Variants in CCSER1 observed in about 807,000 individuals in gnomAD.
CCSER1 encodes the protein serine-rich coiled-coil domain-containing protein 1.
CCSER1 carries 41 observed loss-of-function variants against 82.0 expected under a neutral mutation model. That is an observed-to-expected ratio of 0.50 (90% CI 0.39 to 0.65). The LOEUF is 0.65. Among genes scored for constraint, CCSER1 ranks in the 30% least tolerant of loss-of-function variants. The probability of loss-of-function intolerance (pLI) is 0.00; values close to 1 mark genes in which losing one functional copy is unlikely to be tolerated. For missense variants in CCSER1, 1,119 were observed against 1,064.2 expected (o/e 1.05, Z -0.72); for synonymous variants, 414 against 383.9 (o/e 1.08, Z -0.92).
intron 10 of CCSER1, among the ~76,000 whole-genome samples, chr4:91,234,325 A>T (rs1305916754): frequency 6.6e-6 from 1 of 152,054 alleles, no homozygotes; most frequent in Non-Finnish European, 1.5e-5. Flanking sequence ...AATTCTTTGA[A>T]GATACTCATC....
intron 9 of CCSER1, among the ~76,000 whole-genome samples, chr4:90,925,418 A>C (rs1208462012): frequency 6.6e-6 from 1 of 152,214 alleles, no homozygotes; most frequent in African/African-American, 2.4e-5. Context: ...AATGTTTGGG[A>C]GACAGAATTC....
chr4:90,626,794 T>C (rs1342656456), intron 5 of CCSER1, among the ~76,000 whole-genome samples: 1 of 152,192 alleles, frequency 6.6e-6, no homozygotes, highest in Non-Finnish European at 1.5e-5. Flanking sequence ...AATTAAATGA[T>C]TTAACACCTA....
intron 9 of CCSER1, among the ~76,000 whole-genome samples, chr4:91,021,359 A>T (rs1739947214): frequency 6.6e-6 from 1 of 152,182 alleles, no homozygotes; most frequent in African/African-American, 2.4e-5. Flanking sequence ...AAAAATTAGA[A>T]ATGACAGACT....
At chr4:91,098,637 G>T (rs1002089064) in intron 10 of CCSER1, among the ~76,000 whole-genome samples, 2 of 151,934 alleles carry the variant, frequency 1.3e-5, no homozygotes, top group African/African-American at 4.8e-5. Context: ...CGCCTCCCGG[G>T]TTCATGCCAT....
intron 9 of CCSER1, among the ~76,000 whole-genome samples, chr4:90,935,218 G>C (rs1199491991): frequency 3.9e-5 from 6 of 152,016 alleles, no homozygotes; most frequent in Admixed American, 3.3e-4. Context: ...ATGGGAGAAT[G>C]GGGGGTGTTT....
At chr4:90,901,759 T>G (rs775427809) in intron 8 of CCSER1, among the ~76,000 whole-genome samples, 5 of 152,042 alleles carry the variant, frequency 3.3e-5, no homozygotes, top group African/African-American at 4.8e-5. Flanking sequence ...CTCATGACTA[T>G]GTGCTTTGGT....
chr4:90,575,635 A>G (rs1169997419), intron 5 of CCSER1, among the ~76,000 whole-genome samples: 3 of 152,222 alleles, frequency 2.0e-5, no homozygotes, highest in Non-Finnish European at 4.4e-5. Flanking sequence ...ACAAGCCTCT[A>G]TGTATCATCA....
At position 90,990,025 on chromosome 4, in the gene CCSER1, G is replaced by A. The variant is rs182294963; in HGVS notation, c.2172+66578G>A. On this transcript the variant is annotated intron_variant, in intron 9 of 10. Transcript: ENST00000509176. ...CCATGAGATTTTTACAACCAGATGC[G>A]ACCTTGAAATGTAAATGGACTTTAA... Among the ~76,000 whole-genome samples the A allele has an allele frequency of 6.9e-3, 1,045 of 151,924 alleles. 6 individuals are homozygous for A. Among genetic ancestry groups the A allele is most frequent in the Middle Eastern group, 0.045 (13 of 292 alleles).
At chr4:91,216,630 T>C (rs1737266101) in intron 10 of CCSER1, among the ~76,000 whole-genome samples, 1 of 152,154 alleles carries the variant, frequency 6.6e-6, no homozygotes, top group Admixed American at 6.5e-5. Context: ...TATAGCATCT[T>C]ATTGTTATTT....
chr4:90,962,394 T>A (rs1734130767), intron 9 of CCSER1, among the ~76,000 whole-genome samples: 1 of 152,158 alleles, frequency 6.6e-6, no homozygotes, highest in Non-Finnish European at 1.5e-5. Context: ...CTGTATTTAA[T>A]ATACTATTTA....
In CCSER1 at chr4:91,289,078, G is replaced by A. The variant is rs189004773; in HGVS notation, c.2217+203084G>A. Among the ~76,000 whole-genome samples the A allele has an allele frequency of 5.0e-3, 756 of 152,102 alleles. 2 individuals carry two copies. The highest frequency in any genetic ancestry group is 0.017 in the African/African-American group (709 of 41,542). On this transcript the variant is annotated intron_variant, in intron 10 of 10. Coordinates refer to ENST00000509176, the MANE Select transcript of CCSER1 (RefSeq NM_001145065.2). The stretch of plus-strand genomic sequence containing the variant: ...AAGCCAAAGGAGGGACTTACATCAG[G>A]AAAAACCCTATGACAAACCAGTCAC...
chr4:91,142,854 C>T (rs1452846949), intron 10 of CCSER1, among the ~76,000 whole-genome samples: 1 of 151,788 alleles, frequency 6.6e-6, no homozygotes, highest in African/African-American at 2.4e-5. Flanking sequence ...GTTTTTTTAC[C>T]AGCACCATGC....
intron 1 of CCSER1, among the ~76,000 whole-genome samples, chr4:90,130,740 C>G (rs1253947037): frequency 6.6e-6 from 1 of 151,688 alleles, no homozygotes; most frequent in Non-Finnish European, 1.5e-5. Context: ...TCTCCTGCCT[C>G]AGCCTCCGGA....
chr4:91,590,534 C>G (rs545357718), intron 10 of CCSER1, among the ~76,000 whole-genome samples: 1 of 152,116 alleles, frequency 6.6e-6, no homozygotes, highest in Non-Finnish European at 1.5e-5. Context: ...ACTTCTATTT[C>G]TCAGTGATGA....
chr4:90,787,559 A>C lies in CCSER1; in HGVS notation c.2011-28203A>C, dbSNP rs550757999. Among the ~76,000 whole-genome samples the C allele has an allele frequency of 3.3e-4, 50 of 152,308 alleles. No homozygotes were observed. In the South Asian group the frequency reaches 1.0e-2, roughly 30 times the overall value. ...ATCTGTCATGTGGCCTCTAGTTTTC[A>C]GTCTTCAAAGATGTTTTCTTTTAAT... On this transcript the variant is annotated intron_variant, in intron 7 of 10. Transcript: ENST00000509176.
chr4:91,150,048 G>A (rs1037210727), intron 10 of CCSER1, among the ~76,000 whole-genome samples: 3 of 152,112 alleles, frequency 2.0e-5, no homozygotes, highest in Non-Finnish European at 2.9e-5. Context: ...GGATGGCATT[G>A]AATCTATAAA....
chr4:91,266,742 G>T (rs970647040), intron 10 of CCSER1, among the ~76,000 whole-genome samples: 2 of 152,094 alleles, frequency 1.3e-5, no homozygotes, highest in African/African-American at 4.8e-5. Flanking sequence ...AATTATTTCT[G>T]GTTTTGCATA....
intron 1 of CCSER1, among the ~76,000 whole-genome samples, chr4:90,129,086 T>A (rs1722380511): frequency 1.3e-5 from 2 of 152,190 alleles, no homozygotes; most frequent in Admixed American, 1.3e-4. Context: ...CAGCTTTCAT[T>A]TCTGAAATCT....
intron 10 of CCSER1, among the ~76,000 whole-genome samples, chr4:91,291,394 C>T (rs113342010): frequency 5.9e-5 from 9 of 151,986 alleles, no homozygotes; most frequent in African/African-American, 1.7e-4. Context: ...CGCACTGCTA[C>T]GAAGAAACAC....
Sources: gnomAD v4.1 joint callset for allele counts (sites outside exome capture counted in the v4.1 genomes callset) on GRCh38, gnomAD v4.1.1 for gene constraint, MANE v1.5 for transcripts, NCBI Gene and HGNC (gene_info 2026-07-23, HGNC 2026-07-21) for gene names.